TEAD4: variants seen among roughly 807,000 people sequenced by gnomAD.
TEAD4 encodes the protein TEA domain transcription factor 4.
A neutral mutation model predicts 52.4 loss-of-function variants in TEAD4; 36 were observed. The observed-to-expected ratio is 0.69, with a 90% CI of 0.53 to 0.91. TEAD4 has a LOEUF of 0.91. Ranked by LOEUF, TEAD4 falls within the 40% of genes least tolerant of loss-of-function variation. TEAD4 has a pLI of 0.00. For synonymous variants in TEAD4, 220 were observed against 231.0 expected (o/e 0.95, Z 0.43); for missense variants, 508 against 583.9 (o/e 0.87, Z 1.34).
chr12:2,990,945 G>A (rs1486424583), intron 2 of TEAD4, among the ~76,000 whole-genome samples: 1 of 152,182 alleles, frequency 6.6e-6, no homozygotes, highest in Non-Finnish European at 1.5e-5. Context: ...CACTCCATGG[G>A]AGGCCAAGGA....
chr12:3,036,891 G>A (rs1465204427), intron 10 of TEAD4, among the ~76,000 whole-genome samples: 1 of 152,144 alleles, frequency 6.6e-6, no homozygotes, highest in Non-Finnish European at 1.5e-5. Context: ...GCTGGTTTGG[G>A]ACAAGTATTG....
At chr12:2,990,595 G>A (rs2098242273) in intron 2 of TEAD4, among the ~76,000 whole-genome samples, 1 of 149,718 alleles carries the variant, frequency 6.7e-6, no homozygotes, top group African/African-American at 2.5e-5. Context: ...CCTCCCGAGT[G>A]GCTGGGATTA....
chr12:3,012,879 G>A (rs553751436), intron 5 of TEAD4, among the ~76,000 whole-genome samples: 5 of 152,190 alleles, frequency 3.3e-5, no homozygotes, highest in African/African-American at 1.2e-4. Flanking sequence ...AGGTGATGAC[G>A]ACAGAGGCTA....
chr12:2,989,780 A>G (rs1198080950), intron 2 of TEAD4, among the ~76,000 whole-genome samples: 1 of 152,128 alleles, frequency 6.6e-6, no homozygotes. Context: ...TTTCTAGATA[A>G]TCTGCCCTTT....
chr12:3,021,724 C>T, intron 9 of TEAD4, 120 bp from the exon 10 acceptor site: 1 of 978,246 alleles, frequency 1.0e-6, no homozygotes, highest in Non-Finnish European at 1.5e-6. Flanking sequence ...CATGGGGAAA[C>T]TATGGCCCAG....
Position 2,975,356 on chromosome 12 carries a change from CATTATTATTATTATTATTATT to C in TEAD4, c.-30+15342_-30+15362del, listed in dbSNP as rs58872768. On this transcript the variant is annotated intron_variant, in intron 2 of 12. Coordinates refer to ENST00000359864, the MANE Select transcript of TEAD4 (RefSeq NM_003213.4). ...TGCAATTAATGAGTCAATATCGGCACATTATTATTATTATTATTATTATTATTATTATTATTATTATTATTA... is the reference window on the plus strand; with the variant it reads ...TGCAATTAATGAGTCAATATCGGCACATTATTATTATTATTATTATTATTA... 4.0e-4 allele frequency among the ~76,000 whole-genome samples: 60 copies of C among 148,180 alleles called. 1 individual carries two copies. Among genetic ancestry groups the C allele is most frequent in the African/African-American group, 1.2e-3 (46 of 39,372 alleles).
Position 3,030,954 on chromosome 12 carries a change from C to T in TEAD4, c.898-7014C>T, listed in dbSNP as rs1029890390. ...TGTGCTTAGTTGGTTAACTCTGGCA[C>T]CCAGACTGGAAGCAGGTGTGAGACT... On this transcript the variant is annotated intron_variant, in intron 10 of 12. Transcript: ENST00000359864. Among the ~76,000 whole-genome samples, 63 of 152,192 alleles carry T rather than the reference C, an allele frequency of 4.1e-4. 1 individual carries two copies. The highest frequency in any genetic ancestry group is 4.1e-3 in the Admixed American group (63 of 15,282).
At chr12:3,025,650 C>T (rs531021800) in intron 10 of TEAD4, among the ~76,000 whole-genome samples, 1 of 152,140 alleles carries the variant, frequency 6.6e-6, no homozygotes, top group East Asian at 1.9e-4. Context: ...AATTCTCATG[C>T]CTCACCCTTG....
At chr12:2,969,431 A>G (rs767695787) in intron 2 of TEAD4, among the ~76,000 whole-genome samples, 13 of 152,176 alleles carry the variant, frequency 8.5e-5, no homozygotes, top group Non-Finnish European at 1.8e-4. Flanking sequence ...TCACCCACAG[A>G]TACCAAAGGA....
At chr12:3,009,187 G>A (rs2098258242) in intron 3 of TEAD4, among the ~76,000 whole-genome samples, 1 of 152,240 alleles carries the variant, frequency 6.6e-6, no homozygotes, top group African/African-American at 2.4e-5. Flanking sequence ...CAGCACTTTG[G>A]GAGGCTGATG....
chr12:2,987,281 A>C (rs971601401), intron 2 of TEAD4, among the ~76,000 whole-genome samples: 3 of 152,170 alleles, frequency 2.0e-5, no homozygotes, highest in African/African-American at 7.2e-5. Context: ...GAACCCAGGG[A>C]CACATCTTTA....
intron 2 of TEAD4, among the ~76,000 whole-genome samples, chr12:2,962,301 A>AATATAAATATATAAATAT (rs1246108174): frequency 2.7e-4 from 8 of 29,604 alleles, no homozygotes; most frequent in African/African-American, 3.9e-4. Flanking sequence ...TATATATATA[A>AATATAAATATATAAATAT]ATATAAATAT....
In TEAD4 at chr12:3,040,674, G is replaced by A. The variant is rs2098282201; in HGVS notation, c.*196G>A. 3 of 598,224 alleles carry A rather than the reference G, an allele frequency of 5.0e-6. No individual in the cohort carries two copies. Among genetic ancestry groups the A allele is most frequent in the Non-Finnish European group, 8.9e-6 (3 of 336,344 alleles). 37.1% of individuals were successfully genotyped at this position (598,224 alleles called of 1,614,324 possible). ...ACCCAAGATGCTGTGTATTTTCAGA[G>A]GACCTGGTCTGGCTGTGTGAGCCTC... On this transcript the variant is annotated 3_prime_UTR_variant, in exon 13 of 13. Transcript: ENST00000359864.
intron 3 of TEAD4, among the ~76,000 whole-genome samples, chr12:3,002,015 C>A (rs1346537520): frequency 6.6e-6 from 1 of 152,082 alleles, no homozygotes; most frequent in African/African-American, 2.4e-5. Context: ...TTGCTTGAAC[C>A]TGAGAGGTGG....
chr12:2,986,885 C>A (rs905890827), intron 2 of TEAD4, among the ~76,000 whole-genome samples: 1 of 152,072 alleles, frequency 6.6e-6, no homozygotes, highest in African/African-American at 2.4e-5. Flanking sequence ...CATCACTAGG[C>A]AATAGGAAGT....
intron 3 of TEAD4, among the ~76,000 whole-genome samples, chr12:3,006,017 G>T (rs2153956214): frequency 6.6e-6 from 1 of 152,246 alleles, no homozygotes; most frequent in East Asian, 1.9e-4. Flanking sequence ...TTCATAAGTT[G>T]CTAAGAAAGT....
At chr12:2,979,590 A>G (rs1591561106) in intron 2 of TEAD4, among the ~76,000 whole-genome samples, 1 of 152,332 alleles carries the variant, frequency 6.6e-6, no homozygotes, top group East Asian at 1.9e-4. Context: ...AGATACTGGG[A>G]GTAGTGATTT....
chr12:2,971,458 A>ATTTTT (rs1423485548), intron 2 of TEAD4, among the ~76,000 whole-genome samples: 1 of 151,686 alleles, frequency 6.6e-6, no homozygotes, highest in African/African-American at 2.4e-5. Context: ...TTTTATTTTT[A>ATTTTT]TTTTTATTTT....
At chr12:2,971,255 G>A (rs1388063032) in intron 2 of TEAD4, among the ~76,000 whole-genome samples, 1 of 152,156 alleles carries the variant, frequency 6.6e-6, no homozygotes, top group Non-Finnish European at 1.5e-5. Flanking sequence ...TGTCCCAAGA[G>A]GAGGAGGCAG....
Sources: gnomAD v4.1 joint callset for allele counts (sites outside exome capture counted in the v4.1 genomes callset) on GRCh38, gnomAD v4.1.1 for gene constraint, MANE v1.5 for transcripts, NCBI Gene and HGNC (gene_info 2026-07-23, HGNC 2026-07-21) for gene names.